KAT7: variants seen among roughly 807,000 people sequenced by gnomAD.
KAT7 encodes histone acetyltransferase KAT7.
Under a neutral mutation model 82.1 loss-of-function variants are expected in KAT7, and 10 were observed. That is an observed-to-expected ratio of 0.12 (90% CI 0.08 to 0.21). The LOEUF (loss-of-function observed/expected upper bound fraction) is 0.21. Ranked by LOEUF, KAT7 falls within the 10% of genes least tolerant of loss-of-function variation. KAT7 has a pLI of 1.00. For missense variants in KAT7, 378 were observed against 760.9 expected (o/e 0.50, Z 5.92); for synonymous variants, 250 against 262.5 (o/e 0.95, Z 0.46).
At chr17:49,789,836 A>C (rs1253510560) in intron 1 of KAT7, 1 of 152,194 alleles carries the variant, frequency 6.6e-6, no homozygotes, top group African/African-American at 2.4e-5. Context: ...TGCTGGAAGG[A>C]AGTGAAGGAG....
chr17:49,808,081 A>G (rs1402144803), intron 5 of KAT7, among the ~76,000 whole-genome samples: 2 of 151,370 alleles, frequency 1.3e-5, no homozygotes, highest in African/African-American at 4.9e-5. Context: ...TCATGTAACT[A>G]CAGAATTAAG....
At chr17:49,795,874 G>A (rs1012118065) in intron 2 of KAT7, among the ~76,000 whole-genome samples, 1 of 151,898 alleles carries the variant, frequency 6.6e-6, no homozygotes, top group South Asian at 2.1e-4. Context: ...TTTACATTTG[G>A]CTAATTGGTC....
At chr17:49,812,969 G>A (rs2074187655) in intron 7 of KAT7, among the ~76,000 whole-genome samples, 1 of 149,298 alleles carries the variant, frequency 6.7e-6, no homozygotes, top group African/African-American at 2.5e-5. Context: ...CCGAAGTGCT[G>A]GGATTATAGG....
At chr17:49,826,169 T>G in intron 13 of KAT7, 23 bp downstream of exon 13, 2 of 1,607,592 alleles carry the variant, frequency 1.2e-6, no homozygotes, top group Non-Finnish European at 1.7e-6. Flanking sequence ...CTCCTTGGAA[T>G]GGTTGATTGT....
intron 11 of KAT7, among the ~76,000 whole-genome samples, chr17:49,822,800 T>C (rs1382624905): frequency 6.6e-6 from 1 of 151,122 alleles, no homozygotes; most frequent in Admixed American, 6.6e-5. Flanking sequence ...TTTGATTCAA[T>C]GTGATTTTTT....
At chr17:49,806,313 G>A (rs564644229) in intron 5 of KAT7, among the ~76,000 whole-genome samples, 3 of 152,264 alleles carry the variant, frequency 2.0e-5, no homozygotes, top group South Asian at 2.1e-4. Context: ...CAGGTAGACC[G>A]CAGGGGTGAA....
intron 9 of KAT7, among the ~76,000 whole-genome samples, chr17:49,820,964 C>T (rs1365493733): frequency 1.3e-5 from 2 of 151,942 alleles, no homozygotes; most frequent in Non-Finnish European, 2.9e-5. Context: ...AGTACTTAGC[C>T]ACCCTAAGCT....
chr17:49,813,842 C>G (rs1158525726), intron 7 of KAT7, among the ~76,000 whole-genome samples: 1 of 151,074 alleles, frequency 6.6e-6, no homozygotes, highest in Non-Finnish European at 1.5e-5. Context: ...AACTGGTCCC[C>G]CAGGGATATC....
rs1167362792 is a variant in KAT7, at chr17:49,791,940, C to T, written c.70C>T (p.Leu24Phe). 1 of 1,614,162 alleles carries T rather than the reference C, an allele frequency of 6.2e-7. No individual in the cohort carries two copies. The highest frequency in any genetic ancestry group is 1.7e-5 in the Admixed American group (1 of 60,024). The change falls in exon 2 of 15, where the codon CTC becomes TTC. Residue 24 changes from leucine (L) to phenylalanine (F), a missense_variant. By Grantham distance (22) the Leu-to-Phe change is conservative. Coordinates refer to ENST00000259021, the MANE Select transcript of KAT7 (RefSeq NM_007067.5). The part of the protein sequence containing the change: ...GTEDSDFSTD[L>F]EHTDSSESDG... ...CGAAGATTCCGATTTTTCTACAGAT[C>T]TCGAGCACACAGACAGTTCAGAAAG...
intron 7 of KAT7, among the ~76,000 whole-genome samples, chr17:49,814,309 CTG>C (rs1288174237): frequency 1.3e-5 from 2 of 152,152 alleles, no homozygotes; most frequent in African/African-American, 2.4e-5. Flanking sequence ...TTACACCAGA[CTG>C]TGTTGGTTTG....
chr17:49,791,392 T>C (rs1248478260), intron 1 of KAT7, among the ~76,000 whole-genome samples: 2 of 152,224 alleles, frequency 1.3e-5, no homozygotes, highest in Non-Finnish European at 2.9e-5. Flanking sequence ...GTGTGGTGGC[T>C]CACGTCTGTA....
chr17:49,812,074 G>A (rs2074172838), intron 7 of KAT7, among the ~76,000 whole-genome samples: 1 of 152,034 alleles, frequency 6.6e-6, no homozygotes, highest in Non-Finnish European at 1.5e-5. Flanking sequence ...AGAATTTAGA[G>A]TGATTAAGCA....
At chr17:49,790,588 C>T (rs1403593812) in intron 1 of KAT7, among the ~76,000 whole-genome samples, 2 of 152,180 alleles carry the variant, frequency 1.3e-5, no homozygotes, top group Non-Finnish European at 2.9e-5. Flanking sequence ...TCCCAAATAC[C>T]GGGAGTTACT....
intron 3 of KAT7, 129 bp from the exon 4 acceptor site, chr17:49,798,190 G>A: frequency 5.3e-6 from 4 of 759,878 alleles, no homozygotes; most frequent in Non-Finnish European, 6.3e-6. Flanking sequence ...TAGCCATCTA[G>A]CAGATGAATA....
chr17:49,795,980 A>T lies in KAT7; in HGVS notation c.164-770A>T, dbSNP rs561122592. On this transcript the variant is annotated intron_variant, in intron 2 of 14. Coordinates refer to ENST00000259021, the MANE Select transcript of KAT7 (RefSeq NM_007067.5). ...CTATGATTAAACATGTCTCTTTATA[A>T]AAAAAAAAGCACAAAAAAACTAAAA... is the stretch of plus-strand genomic sequence containing the variant. Among the ~76,000 whole-genome samples the T allele has an allele frequency of 4.5e-4, 45 of 99,170 alleles. No homozygotes were observed. In the East Asian group the frequency reaches 0.031, roughly 67 times the overall value. The allele number at this position is 99,170 out of a possible 152,430, so 65.1% of individuals were successfully genotyped here.
intron 9 of KAT7, 84 bp downstream of exon 9, chr17:49,818,095 G>C: frequency 9.4e-7 from 1 of 1,066,990 alleles, no homozygotes; most frequent in Non-Finnish European, 1.4e-6. Flanking sequence ...GATGGCATCT[G>C]TTCAGGCACC....
chr17:49,799,078 T>C (rs1461755743), intron 4 of KAT7, among the ~76,000 whole-genome samples: 1 of 152,226 alleles, frequency 6.6e-6, no homozygotes, highest in Non-Finnish European at 1.5e-5. Context: ...CAAGATAAAA[T>C]ATTTCTTCTG....
At position 49,833,645 on chromosome 17, in the gene KAT7, A is replaced by G. The variant is rs575244058; in HGVS notation, c.*6143A>G. On this transcript the variant is annotated 3_prime_UTR_variant, in exon 15 of 15. Coordinates refer to ENST00000259021, the MANE Select transcript of KAT7 (RefSeq NM_007067.5). The stretch of plus-strand genomic sequence containing the variant: ...TGAGAGACGATGCATAGGAGAACCA[A>G]GGTGCTCTAGTCACAGCACTAAAAG... 6.6e-6 allele frequency: 1 copy of G among 152,310 alleles called. No homozygotes were observed. The highest frequency in any genetic ancestry group is 2.1e-4 in the South Asian group (1 of 4,826). 9.4% of individuals were successfully genotyped at this position (152,310 alleles called of 1,614,324 possible).
Position 49,833,657 on chromosome 17 carries a change from C to T in KAT7, c.*6155C>T, listed in dbSNP as rs1456273434. 6.6e-6 allele frequency: 1 copy of T among 152,164 alleles called. No homozygotes were observed. Among genetic ancestry groups the T allele is most frequent in the Non-Finnish European group, 1.5e-5 (1 of 68,038 alleles). 9.4% of individuals were successfully genotyped at this position (152,164 alleles called of 1,614,324 possible). ...CATAGGAGAACCAAGGTGCTCTAGT[C>T]ACAGCACTAAAAGCCCAGACTTGTG... On this transcript the variant is annotated 3_prime_UTR_variant, in exon 15 of 15. Transcript: ENST00000259021.
Sources: gnomAD v4.1 joint callset for allele counts (sites outside exome capture counted in the v4.1 genomes callset) on GRCh38, gnomAD v4.1.1 for gene constraint, MANE v1.5 for transcripts, NCBI Gene and HGNC (gene_info 2026-07-23, HGNC 2026-07-21) for gene names.